ZNF713: variants seen among roughly 807,000 people sequenced by gnomAD.
ZNF713 encodes zinc finger protein 713.
ZNF713 carries 21 observed loss-of-function variants against 28.7 expected under a neutral mutation model. That is an observed-to-expected ratio of 0.73 (90% CI 0.52 to 1.05). The LOEUF (loss-of-function observed/expected upper bound fraction) is 1.05, where lower values mean the gene tolerates loss of function less well. Among genes scored for constraint, ZNF713 ranks in the 50% least tolerant of loss-of-function variants. ZNF713 has a pLI of 0.00. For synonymous variants in ZNF713, 167 were observed against 178.0 expected (o/e 0.94, Z 0.49); for missense variants, 458 against 532.4 (o/e 0.86, Z 1.37).
At chr7:55,912,206 G>A (rs909421611) in intron 3 of ZNF713, 138 bp downstream of exon 3, 2 of 157,130 alleles carry the variant, frequency 1.3e-5, no homozygotes, top group African/African-American at 4.8e-5. Flanking sequence ...GAGTAAGAAT[G>A]GACCCTCACC....
At chr7:55,903,144 T>C (rs1431159436) in intron 1 of ZNF713, among the ~76,000 whole-genome samples, 1 of 152,080 alleles carries the variant, frequency 6.6e-6, no homozygotes, top group Non-Finnish European at 1.5e-5. Flanking sequence ...AAAATGGGTT[T>C]AAAATTAAAA....
intron 1 of ZNF713, among the ~76,000 whole-genome samples, chr7:55,900,359 T>A (rs1785552890): frequency 7.3e-6 from 1 of 136,948 alleles, no homozygotes; most frequent in Non-Finnish European, 1.6e-5. Context: ...TCCCATTTAC[T>A]CAGAGGGCTG....
In ZNF713 at chr7:55,940,130, G is replaced by A; in HGVS notation, c.*124G>A. The A allele has an allele frequency of 7.0e-7, 1 of 1,420,638 alleles. No individual in the cohort carries two copies. Among genetic ancestry groups the A allele is most frequent in the Non-Finnish European group, 9.2e-7 (1 of 1,089,960 alleles). 88.0% of individuals were successfully genotyped at this position (1,420,638 alleles called of 1,614,324 possible). On this transcript the variant is annotated 3_prime_UTR_variant, in exon 7 of 7. Transcript: ENST00000429591. ...AAGCTTATACATAAATTTTTGTTTTGTTTTGTTTTTGAGACTGAGTCTCAC... is the reference window on the plus strand; with the variant it reads ...AAGCTTATACATAAATTTTTGTTTTATTTTGTTTTTGAGACTGAGTCTCAC...
intron 1 of ZNF713, among the ~76,000 whole-genome samples, chr7:55,898,748 G>A (rs1022003623): frequency 6.6e-6 from 1 of 151,902 alleles, no homozygotes; most frequent in Non-Finnish European, 1.5e-5. Context: ...ATTTTAAGAT[G>A]GACAAATGTC....
intron 1 of ZNF713, among the ~76,000 whole-genome samples, chr7:55,898,570 G>A (rs149028400): frequency 2.0e-5 from 3 of 152,148 alleles, no homozygotes; most frequent in Non-Finnish European, 4.4e-5. Flanking sequence ...ATCAGATCTC[G>A]TGAGAATTCA....
intron 6 of ZNF713, among the ~76,000 whole-genome samples, chr7:55,937,731 C>T (rs945446732): frequency 6.6e-5 from 10 of 151,294 alleles, no homozygotes; most frequent in South Asian, 4.2e-4. Context: ...AGTGAGACCC[C>T]GTCTCTAAAA....
Position 55,906,394 on chromosome 7 carries a change from A to G in ZNF713, c.-456+15A>G, listed in dbSNP as rs1483595667. The stretch of plus-strand genomic sequence containing the variant: ...AGGTGTTTTGGGTAAGTTCTCCTGA[A>G]TTCAGACCTCCCATTATTTGGGTGA... On this transcript the variant is annotated intron_variant, in intron 2 of 6. Transcript: ENST00000429591. The G allele has an allele frequency of 6.6e-6, 1 of 152,222 alleles. No homozygotes were observed. The highest frequency in any genetic ancestry group is 1.5e-5 in the Non-Finnish European group (1 of 68,058). 9.4% of individuals were successfully genotyped at this position (152,222 alleles called of 1,614,324 possible).
intron 4 of ZNF713, among the ~76,000 whole-genome samples, chr7:55,922,936 A>T (rs1253287475): frequency 1.3e-5 from 2 of 152,186 alleles, no homozygotes; most frequent in Admixed American, 6.6e-5. Flanking sequence ...CGTGCAGCAA[A>T]CTGTAAACAC....
At chr7:55,900,327 G>A (rs1045062676) in intron 1 of ZNF713, among the ~76,000 whole-genome samples, 3 of 150,824 alleles carry the variant, frequency 2.0e-5, no homozygotes, top group Non-Finnish European at 2.9e-5. Context: ...AATTAGCCAG[G>A]CATGGCGGCA....
At chr7:55,897,142 T>C (rs1428165826) in intron 1 of ZNF713, among the ~76,000 whole-genome samples, 1 of 152,042 alleles carries the variant, frequency 6.6e-6, no homozygotes, top group Non-Finnish European at 1.5e-5. Context: ...AGAACACCAT[T>C]AGGCAAACAC....
At chr7:55,915,606 CT>C (rs1445612548) in intron 4 of ZNF713, among the ~76,000 whole-genome samples, 41 of 152,208 alleles carry the variant, frequency 2.7e-4, no homozygotes, top group African/African-American at 8.9e-4. Flanking sequence ...TAAGTAGAAC[CT>C]ACGAAAAGTA....
chr7:55,938,200 A>T (rs1786392190), intron 6 of ZNF713, among the ~76,000 whole-genome samples: 1 of 152,150 alleles, frequency 6.6e-6, no homozygotes, highest in Non-Finnish European at 1.5e-5. Context: ...TGATAGAGCG[A>T]GACTCCATCT....
At chr7:55,924,755 G>A (rs929236510) in intron 6 of ZNF713, 1 of 152,174 alleles carries the variant, frequency 6.6e-6, no homozygotes, top group African/African-American at 2.4e-5. Flanking sequence ...CTCGCCTGTA[G>A]GCCCAGCTAC....
At chr7:55,918,810 C>T (rs977433148) in intron 4 of ZNF713, among the ~76,000 whole-genome samples, 5 of 151,900 alleles carry the variant, frequency 3.3e-5, no homozygotes, top group African/African-American at 4.8e-5. Flanking sequence ...CTGGCCAACA[C>T]GGTGAAACCT....
intron 1 of ZNF713, among the ~76,000 whole-genome samples, chr7:55,900,481 G>A (rs923540443): frequency 1.3e-5 from 2 of 150,908 alleles, no homozygotes; most frequent in African/African-American, 2.4e-5. Context: ...AAAAAAAAAT[G>A]TGGTATATAT....
intron 1 of ZNF713, among the ~76,000 whole-genome samples, chr7:55,892,555 C>CAAAAAAAAAAAAAAAAAAAA (rs56338467): frequency 1.3e-5 from 1 of 74,378 alleles, no homozygotes; most frequent in Non-Finnish European, 2.3e-5. Context: ...AAGCACTGAC[C>CAAAAAAAAAAAAAAAAAAAA]AAAAAAAAAA....
chr7:55,898,537 A>C (rs1050039518), intron 1 of ZNF713, among the ~76,000 whole-genome samples: 2 of 152,184 alleles, frequency 1.3e-5, no homozygotes, highest in Non-Finnish European at 1.5e-5. Context: ...GAGAGAGTGC[A>C]AAGTGCCACA....
intron 4 of ZNF713, among the ~76,000 whole-genome samples, chr7:55,916,463 T>C (rs150501129): frequency 1.1e-3 from 169 of 152,358 alleles, no homozygotes; most frequent in African/African-American, 3.4e-3. Flanking sequence ...TTTACTTTTA[T>C]CTTCTGACAT....
intron 1 of ZNF713, among the ~76,000 whole-genome samples, chr7:55,892,235 G>T (rs1282085852): frequency 7.4e-6 from 1 of 135,448 alleles, no homozygotes; most frequent in Non-Finnish European, 1.5e-5. Flanking sequence ...CCGAGATCGC[G>T]CCGCTGCACT....
Sources: allele counts gnomAD v4.1 joint callset (sites outside exome capture counted in the v4.1 genomes callset), GRCh38; gene constraint gnomAD v4.1.1; transcripts MANE v1.5; gene names NCBI Gene and HGNC (gene_info 2026-07-23, HGNC 2026-07-21).